RFX3: variants seen among roughly 807,000 people sequenced by gnomAD.
RFX3 encodes the protein transcription factor RFX3.
RFX3 carries 14 observed loss-of-function variants against 98.6 expected under a neutral mutation model. The observed-to-expected ratio is 0.14, with a 90% confidence interval of 0.09 to 0.22. The LOEUF (loss-of-function observed/expected upper bound fraction) is 0.22, where lower values mean the gene tolerates loss of function less well. Among genes scored for constraint, RFX3 ranks in the 10% least tolerant of loss-of-function variants. RFX3 has a pLI of 1.00. For synonymous variants in RFX3, 383 were observed against 328.4 expected, an observed-to-expected ratio of 1.17 and a Z score of -1.80; for missense variants, 639 against 926.9, an observed-to-expected ratio of 0.69 and a Z score of 4.03.
intron 3 of RFX3, among the ~76,000 whole-genome samples, chr9:3,333,492 T>G (rs1020449517): frequency 3.3e-5 from 5 of 151,714 alleles, no homozygotes; most frequent in Admixed American, 6.6e-5. Flanking sequence ...CGTACCATTC[T>G]TCTCATCACT....
Position 3,254,615 on chromosome 9 carries a change from G to A in RFX3, c.1814+2376C>T, listed in dbSNP as rs926855564. ...TGCAGTGGCGTGATCTCTGCTCACT[G>A]CAAGCTCCACCTCCCAGGTTCACAC... On this transcript the variant is annotated intron_variant, in intron 14 of 16. Transcript: ENST00000617270. Among the ~76,000 whole-genome samples, 3 of 151,630 alleles carry A rather than the reference G, an allele frequency of 2.0e-5. No homozygotes were observed. In the East Asian group the frequency reaches 5.8e-4, roughly 29 times the overall value.
chr9:3,271,437 TTCCC>T lies in RFX3; in HGVS notation c.1087-323_1087-320del, dbSNP rs1297656248. ...TTGCTTTCATTCCTCTCTTCTTTCC[TTCCC>T]TCCCTCCCTCCCTTCCTTCCTTCCT... On this transcript the variant is annotated intron_variant, in intron 9 of 16. Transcript: ENST00000617270. Among the ~76,000 whole-genome samples, 262 of 151,794 alleles carry T rather than the reference TTCCC, an allele frequency of 1.7e-3. 2 individuals are homozygous for T. The highest frequency in any genetic ancestry group is 0.015 in the South Asian group (73 of 4,784).
In RFX3 at chr9:3,366,799, T is replaced by C. The variant is rs151040014; in HGVS notation, c.118-20035A>G. ...TCAAAAGTCATCTGGGTGTTTCAGT[T>C]GGATTGCATTGAAATCATGCATGCA... On this transcript the variant is annotated intron_variant, in intron 2 of 16. Transcript: ENST00000617270. Among the ~76,000 whole-genome samples the C allele has an allele frequency of 2.0e-3, 293 of 150,114 alleles. 1 individual carries two copies. The highest frequency in any genetic ancestry group is 6.8e-3 in the African/African-American group (279 of 40,820).
At chr9:3,236,940 A>G (rs1392450214) in intron 15 of RFX3, among the ~76,000 whole-genome samples, 1 of 152,328 alleles carries the variant, frequency 6.6e-6, no homozygotes, top group East Asian at 1.9e-4. Context: ...AAGATTTTTA[A>G]GCTGTCACAG....
At chr9:3,287,039 AT>A (rs1032173672) in intron 7 of RFX3, among the ~76,000 whole-genome samples, 33 of 151,750 alleles carry the variant, frequency 2.2e-4, no homozygotes, top group African/African-American at 7.5e-4. Flanking sequence ...ACTGTATTCC[AT>A]TTTTTTTCCA....
At chr9:3,460,252 A>C (rs1394769986) in intron 1 of RFX3, among the ~76,000 whole-genome samples, 1 of 152,086 alleles carries the variant, frequency 6.6e-6, no homozygotes, top group East Asian at 1.9e-4. Flanking sequence ...TAGAAAAGAT[A>C]CTAAATCTAT....
At chr9:3,275,742 A>C in intron 8 of RFX3, 130 bp from the exon 9 acceptor site, 1 of 532,740 alleles carries the variant, frequency 1.9e-6, no homozygotes, top group Non-Finnish European at 3.4e-6. Context: ...GAGCAAGGAC[A>C]TTTTATATTA....
intron 1 of RFX3, among the ~76,000 whole-genome samples, chr9:3,505,694 T>C (rs1366388974): frequency 2.0e-5 from 3 of 151,258 alleles, no homozygotes; most frequent in Non-Finnish European, 3.0e-5. Flanking sequence ...TTTGTTCAAA[T>C]GTTACCTTAT....
chr9:3,484,917 C>G (rs556287917), intron 1 of RFX3, among the ~76,000 whole-genome samples: 11 of 150,578 alleles, frequency 7.3e-5, no homozygotes, highest in Middle Eastern at 3.4e-3. Flanking sequence ...GACACCCCCC[C>G]CCACCCCATC....
At chr9:3,374,108 A>T (rs1838179025) in intron 2 of RFX3, among the ~76,000 whole-genome samples, 1 of 151,850 alleles carries the variant, frequency 6.6e-6, no homozygotes, top group Non-Finnish European at 1.5e-5. Flanking sequence ...ACACACACAC[A>T]CACACACAAA....
chr9:3,284,756 G>T (rs1826352970), intron 7 of RFX3, among the ~76,000 whole-genome samples: 2 of 151,768 alleles, frequency 1.3e-5, no homozygotes, highest in Non-Finnish European at 3.0e-5. Flanking sequence ...GACTGCCTGT[G>T]AATCAAGTGG....
chr9:3,375,939 G>A (rs1242401116), intron 2 of RFX3, among the ~76,000 whole-genome samples: 2 of 151,586 alleles, frequency 1.3e-5, no homozygotes, highest in African/African-American at 4.8e-5. Context: ...CAGCCTGGGT[G>A]ACAGAGCGAG....
At chr9:3,374,213 C>T (rs191213689) in intron 2 of RFX3, among the ~76,000 whole-genome samples, 3 of 152,164 alleles carry the variant, frequency 2.0e-5, no homozygotes, top group Admixed American at 6.5e-5. Context: ...GGAACCCTTG[C>T]GCTCTGTTGG....
chr9:3,360,320 A>G (rs963336411), intron 2 of RFX3, among the ~76,000 whole-genome samples: 3 of 152,162 alleles, frequency 2.0e-5, no homozygotes, highest in African/African-American at 7.2e-5. Flanking sequence ...AGAGAAGAAC[A>G]AAGGTGGAAT....
chr9:3,299,710 T>A (rs1828419613), intron 5 of RFX3, among the ~76,000 whole-genome samples: 1 of 151,818 alleles, frequency 6.6e-6, no homozygotes, highest in Non-Finnish European at 1.5e-5. Flanking sequence ...AAACATTTAT[T>A]AATCTTAAAC....
chr9:3,366,970 T>C (rs1047082894), intron 2 of RFX3, among the ~76,000 whole-genome samples: 1 of 152,126 alleles, frequency 6.6e-6, no homozygotes, highest in Admixed American at 6.6e-5. Context: ...TGCTTCACTC[T>C]ACCTCACTGG....
chr9:3,340,435 G>A (rs1207392697), intron 3 of RFX3, among the ~76,000 whole-genome samples: 3 of 152,238 alleles, frequency 2.0e-5, no homozygotes, highest in South Asian at 2.1e-4. Flanking sequence ...CTTCTGCACA[G>A]CAAAAGAAAC....
At chr9:3,312,910 C>T (rs1009253217) in intron 4 of RFX3, among the ~76,000 whole-genome samples, 2 of 152,222 alleles carry the variant, frequency 1.3e-5, no homozygotes, top group South Asian at 2.1e-4. Context: ...AGGAGGCCTG[C>T]CTGCCTCTGT....
At position 3,224,845 on chromosome 9, in the gene RFX3, G is replaced by C. The variant is rs1336662852; in HGVS notation, c.*197C>G. 2.1e-6 allele frequency: 1 copy of C among 479,934 alleles called. No homozygotes were observed. The highest frequency in any genetic ancestry group is 3.6e-6 in the Non-Finnish European group (1 of 277,064). 29.7% of individuals were successfully genotyped at this position (479,934 alleles called of 1,614,324 possible). ...ACTAAGGGAAAAAATTCATTATTAA[G>C]AAGCAAATAATTTGTTTACGTTAAA... On this transcript the variant is annotated 3_prime_UTR_variant, in exon 17 of 17. Coordinates refer to ENST00000617270, the MANE Select transcript of RFX3 (RefSeq NM_001282116.2).
Sources: gnomAD v4.1 joint callset for allele counts (sites outside exome capture counted in the v4.1 genomes callset) on GRCh38, gnomAD v4.1.1 for gene constraint, MANE v1.5 for transcripts, NCBI Gene and HGNC (gene_info 2026-07-23, HGNC 2026-07-21) for gene names.